The following SRPK1 variants were observed in gnomAD, a reference collection of about 807,000 sequenced individuals.
SRPK1 encodes SFRS protein kinase 1.
In SRPK1, 52 loss-of-function variants were observed where a neutral mutation model predicts 89.5. The ratio of observed to expected loss-of-function variants is 0.58; its 90% CI spans 0.46 to 0.73. The LOEUF is 0.73. SRPK1 is among the 30% of genes least tolerant of loss of function. The pLI is 0.00. For missense variants in SRPK1, 603 were observed against 780.6 expected (o/e 0.77, Z 2.71); for synonymous variants, 255 against 270.2 (o/e 0.94, Z 0.55).
intron 3 of SRPK1, among the ~76,000 whole-genome samples, chr6:35,890,148 G>A (rs767115595): frequency 1.1e-4 from 16 of 152,156 alleles, no homozygotes; most frequent in African/African-American, 2.6e-4. Context: ...TTAGCCAGGC[G>A]TGGTGGTGGG....
chr6:35,889,836 C>T lies in SRPK1; in HGVS notation c.194-913G>A, dbSNP rs1243244685. 1.3e-4 allele frequency among the ~76,000 whole-genome samples: 19 copies of T among 149,120 alleles called. No individual in the cohort carries two copies. In the Admixed American group the frequency reaches 1.3e-3, roughly 10 times the overall value. ...AAAAACGGCAAGGCGCGGTGGCTCACCCCTGTAATCCCAGCACTTTGGGAG... is the reference window on the plus strand; with the variant it reads ...AAAAACGGCAAGGCGCGGTGGCTCATCCCTGTAATCCCAGCACTTTGGGAG... On this transcript the variant is annotated intron_variant, in intron 3 of 15. Transcript: ENST00000373825.
At chr6:35,846,316 C>A (rs1049757720) in intron 13 of SRPK1, among the ~76,000 whole-genome samples, 1 of 151,336 alleles carries the variant, frequency 6.6e-6, no homozygotes, top group African/African-American at 2.4e-5. Context: ...ATAGGCCAGG[C>A]GCAGTGGCTC....
At position 35,920,468 on chromosome 6, in the gene SRPK1, T is replaced by C. The variant is rs745418508; in HGVS notation, c.74A>G (p.Lys25Arg). The change falls in exon 2 of 16, where the codon AAA becomes AGA. Residue 25 changes from lysine (K) to arginine (R), a missense_variant and splice_region_variant. By Grantham distance (26) the Lys-to-Arg change is conservative. Coordinates refer to ENST00000373825, the MANE Select transcript of SRPK1 (RefSeq NM_003137.5). Reference protein sequence around the residue: ...TKAKKDKAQRKSETQHRGSAP... With the variant: ...TKAKKDKAQRRSETQHRGSAP... ...TGGGATGTTGGGGTACAAGACTCAC[T>C]TCCTTTGGGCTTTGTCCTTCTTGGC... 1 of 1,612,476 alleles carries C rather than the reference T, an allele frequency of 6.2e-7. No homozygotes were observed. The highest frequency in any genetic ancestry group is 1.1e-5 in the South Asian group (1 of 91,070).
At chr6:35,873,014 A>AAC (rs1414585604) in intron 7 of SRPK1, among the ~76,000 whole-genome samples, 40 of 152,164 alleles carry the variant, frequency 2.6e-4, no homozygotes, top group Non-Finnish European at 4.4e-4. Context: ...AATAAACTTC[A>AAC]ACACACACAC....
At chr6:35,838,213 T>C in intron 15 of SRPK1, 124 bp downstream of exon 15, 3 of 689,508 alleles carry the variant, frequency 4.4e-6, no homozygotes, top group East Asian at 3.3e-5. Context: ...TTTATCTCTT[T>C]GCTAAGTCAC....
At chr6:35,904,372 T>C (rs1186092778) in intron 2 of SRPK1, among the ~76,000 whole-genome samples, 1 of 152,090 alleles carries the variant, frequency 6.6e-6, no homozygotes. Flanking sequence ...CTTAATACTA[T>C]CACTCAGAGA....
intron 2 of SRPK1, among the ~76,000 whole-genome samples, chr6:35,903,949 G>A (rs986311974): frequency 1.3e-5 from 2 of 151,726 alleles, no homozygotes; most frequent in Non-Finnish European, 2.9e-5. Flanking sequence ...AACTATTAGC[G>A]TGCATCACAA....
intron 6 of SRPK1, among the ~76,000 whole-genome samples, chr6:35,878,194 T>G (rs1020011687): frequency 6.6e-6 from 1 of 152,194 alleles, no homozygotes; most frequent in African/African-American, 2.4e-5. Flanking sequence ...GCTTAGATTC[T>G]GGATGTCATT....
chr6:35,890,892 T>C lies in SRPK1; in HGVS notation c.193+3A>G, dbSNP rs377546451. The C allele has an allele frequency of 7.1e-6, 11 of 1,547,216 alleles. No homozygotes were observed. The highest frequency in any genetic ancestry group is 6.9e-5 in the African/African-American group (5 of 72,736). On this transcript the variant is annotated splice_donor_region_variant and intron_variant, in intron 3 of 15. Transcript: ENST00000373825. ...CTCACTTCATACCTCTTTATGAACTTACCTTTACAATAATCATTAGGATCT... is the reference window on the plus strand; with the variant it reads ...CTCACTTCATACCTCTTTATGAACTCACCTTTACAATAATCATTAGGATCT...
intron 13 of SRPK1, among the ~76,000 whole-genome samples, chr6:35,853,976 A>T (rs1769614590): frequency 6.7e-6 from 1 of 148,350 alleles, no homozygotes; most frequent in Non-Finnish European, 1.5e-5. Flanking sequence ...TTTGAAATGG[A>T]GTCTTGCTCT....
rs770817432 is a variant in SRPK1, at chr6:35,869,634, T to A, written c.1259A>T (p.Glu420Val). 6.2e-7 allele frequency: 1 copy of A among 1,614,016 alleles called. No individual in the cohort carries two copies. The highest frequency in any genetic ancestry group is 8.5e-7 in the Non-Finnish European group (1 of 1,179,888). Residue 420 changes from glutamate (E) to valine (V), a missense_variant, in exon 11 of 16, where the codon GAG becomes GTG. Transcript: ENST00000373825. Reference protein sequence around the residue: ...ETDSCTPITSEVSDTMVCQSS... With the variant: ...ETDSCTPITSVVSDTMVCQSS... ...CTGGCACACCATGGTGTCTGACACC[T>A]CAGATGTTATAGGTGTACAAGAGTC...
At chr6:35,896,468 C>G (rs1386555903) in intron 2 of SRPK1, among the ~76,000 whole-genome samples, 1 of 152,142 alleles carries the variant, frequency 6.6e-6, no homozygotes, top group African/African-American at 2.4e-5. Flanking sequence ...GTGAAAAAAA[C>G]TGGAACCCTT....
At chr6:35,836,582 G>A (rs1262172012) in intron 15 of SRPK1, among the ~76,000 whole-genome samples, 8 of 151,782 alleles carry the variant, frequency 5.3e-5, no homozygotes, top group Admixed American at 5.3e-4. Context: ...GTGAAACCCT[G>A]CCTCTACCAA....
chr6:35,870,860 T>C (rs1223882905), intron 9 of SRPK1, 74 bp downstream of exon 9: 31 of 1,275,422 alleles, frequency 2.4e-5, no homozygotes, highest in Non-Finnish European at 3.4e-5. Context: ...AACAAACTGT[T>C]ACCATCCACA....
intron 3 of SRPK1, among the ~76,000 whole-genome samples, chr6:35,889,996 T>C (rs1304607710): frequency 6.7e-6 from 1 of 149,486 alleles, no homozygotes; most frequent in Non-Finnish European, 1.5e-5. Context: ...TAGTCCCAGC[T>C]ACTCGGGAGG....
chr6:35,894,221 AACTTAAAAACTAGTTAATATGAAT>A (rs542833339), intron 2 of SRPK1, among the ~76,000 whole-genome samples: 355 of 152,292 alleles, frequency 2.3e-3, no homozygotes, highest in Middle Eastern at 6.8e-3. Flanking sequence ...AGAAAGACCA[AACTTAAAAACTAGTTAATATGAAT>A]AGAGAAATGT....
At chr6:35,919,196 C>A (rs1771174459) in intron 2 of SRPK1, among the ~76,000 whole-genome samples, 1 of 152,176 alleles carries the variant, frequency 6.6e-6, no homozygotes, top group Non-Finnish European at 1.5e-5. Context: ...CAGACACACA[C>A]AAACTCTCAT....
intron 6 of SRPK1, among the ~76,000 whole-genome samples, chr6:35,883,006 G>A (rs1479614176): frequency 2.0e-5 from 3 of 152,054 alleles, no homozygotes; most frequent in African/African-American, 4.8e-5. Context: ...ATGGGGTTTC[G>A]CCATGTTGGC....
intron 12 of SRPK1, among the ~76,000 whole-genome samples, 172 bp from the exon 13 acceptor site, chr6:35,857,540 G>GC (rs552048427): frequency 1.7e-3 from 257 of 152,216 alleles, no homozygotes; most frequent in Admixed American, 3.6e-3. Context: ...ACAATCCTTT[G>GC]CCTTACACAC....
Sources: gnomAD v4.1 joint callset for allele counts (sites outside exome capture counted in the v4.1 genomes callset) on GRCh38, gnomAD v4.1.1 for gene constraint, MANE v1.5 for transcripts, NCBI Gene and HGNC (gene_info 2026-07-23, HGNC 2026-07-21) for gene names.